The following DNAJA3 variants were observed in gnomAD, a reference collection of about 807,000 sequenced individuals.
DNAJA3 encodes the protein DnaJ heat shock protein family (Hsp40) member A3, also known as dnaJ homolog subfamily A member 3, mitochondrial.
DNAJA3 carries 29 observed loss-of-function variants against 54.9 expected under a neutral mutation model. That is an observed-to-expected ratio of 0.53 (90% CI 0.39 to 0.72). DNAJA3 has a LOEUF of 0.72. DNAJA3 is among the 30% of genes least tolerant of loss of function. The pLI, the probability that DNAJA3 is intolerant of heterozygous loss-of-function variation, is 0.00. For missense variants in DNAJA3, 708 were observed against 639.4 expected (o/e 1.11, Z -1.16); for synonymous variants, 302 against 251.4 (o/e 1.20, Z -1.90).
At chr16:4,436,220 A>G (rs2056770586) in intron 2 of DNAJA3, among the ~76,000 whole-genome samples, 1 of 152,106 alleles carries the variant, frequency 6.6e-6, no homozygotes. Flanking sequence ...GGGGACAGGA[A>G]GCAGAGATCC....
rs947237012 is a variant in DNAJA3, at chr16:4,447,023, G to A, written c.1125+9G>A. On this transcript the variant is annotated intron_variant, in intron 8 of 11. Coordinates refer to ENST00000262375, the MANE Select transcript of DNAJA3 (RefSeq NM_005147.6). ...AGACGATCAACGTGACGGTAAGAGGGTGTGAGAACACCTTTGTCACCCCTG... is the reference window on the plus strand; with the variant it reads ...AGACGATCAACGTGACGGTAAGAGGATGTGAGAACACCTTTGTCACCCCTG... 1 of 1,611,792 alleles carries A rather than the reference G, an allele frequency of 6.2e-7. No individual in the cohort carries two copies. Among genetic ancestry groups the A allele is most frequent in the Non-Finnish European group, 8.5e-7 (1 of 1,179,258 alleles).
intron 1 of DNAJA3, chr16:4,433,287 T>C (rs2056730132): frequency 1.3e-5 from 2 of 152,236 alleles, no homozygotes; most frequent in African/African-American, 2.4e-5. Flanking sequence ...TAACCGCCAT[T>C]TGTTTTCCAC....
chr16:4,448,887 C>T (rs1353930330), intron 9 of DNAJA3, 39 bp downstream of exon 9: 1 of 1,505,132 alleles, frequency 6.6e-7, no homozygotes. Flanking sequence ...CCGCCTGGTC[C>T]TGCGGTGGCA....
chr16:4,436,892 G>GGGT (rs1194293548), intron 2 of DNAJA3, among the ~76,000 whole-genome samples: 1 of 152,008 alleles, frequency 6.6e-6, no homozygotes, highest in Non-Finnish European at 1.5e-5. Flanking sequence ...AAGCCATGCT[G>GGGT]GGTGCTAAGG....
intron 5 of DNAJA3, chr16:4,442,726 T>A (rs1226794806): frequency 1.9e-6 from 1 of 522,600 alleles, no homozygotes; most frequent in Non-Finnish European, 3.3e-6. Flanking sequence ...CTTTTTTAAA[T>A]GTACTGTTCA....
chr16:4,442,091 G>A (rs1368962964), intron 4 of DNAJA3, among the ~76,000 whole-genome samples, 177 bp from the exon 5 acceptor site: 5 of 152,154 alleles, frequency 3.3e-5, no homozygotes, highest in Non-Finnish European at 7.4e-5. Context: ...ATCCCAAAGA[G>A]TAGGGCAGAA....
intron 1 of DNAJA3, chr16:4,433,517 G>A (rs995424644): frequency 6.0e-4 from 92 of 152,206 alleles, no homozygotes; most frequent in African/African-American, 2.2e-3. Flanking sequence ...TGAATGTCTG[G>A]AGTAGGGCTT....
chr16:4,436,706 T>A (rs2056776574), intron 2 of DNAJA3, among the ~76,000 whole-genome samples: 1 of 152,134 alleles, frequency 6.6e-6, no homozygotes. Context: ...TGGCTAATTT[T>A]TGTATTTTTA....
At position 4,448,736 on chromosome 16, in the gene DNAJA3, C is replaced by T. The variant is rs2056937273; in HGVS notation, c.1129C>T (p.Pro377Ser). The change falls in exon 9 of 12, where the codon CCC becomes TCC. Residue 377 changes from proline (P) to serine (S), a missense_variant. Coordinates refer to ENST00000262375, the MANE Select transcript of DNAJA3 (RefSeq NM_005147.6). ...GLYETINVTI[P>S]PGTQTDQKIR... ...CACAGATTTTCTTTCTTTATAGATC[C>T]CCCCTGGGACTCAGACAGACCAGAA... 6.2e-6 allele frequency: 10 copies of T among 1,612,460 alleles called. No homozygotes were observed. The highest frequency in any genetic ancestry group is 7.6e-6 in the Non-Finnish European group (9 of 1,178,798).
rs1239540910 is a variant in DNAJA3 at position 4,442,657 on chromosome 16, G to A, written c.783+237G>A. 9.4e-6 allele frequency: 5 copies of A among 530,666 alleles called. No homozygotes were observed. The East Asian group carries it at 1.6e-4, about 16-fold the overall frequency. The allele number at this position is 530,666 out of a possible 1,614,324, so 32.9% of individuals were successfully genotyped here. On this transcript the variant is annotated intron_variant, in intron 5 of 11. Transcript: ENST00000262375. ...GGGGCGGGGCGGGGGATTGCATCCA[G>A]TTGTCACTTTCTTCTTTATTTTTCT...
At chr16:4,441,303 C>T in intron 3 of DNAJA3, 72 bp from the exon 4 acceptor site, 1 of 1,391,394 alleles carries the variant, frequency 7.2e-7, no homozygotes, top group Non-Finnish European at 9.9e-7. Context: ...GCCTTATTTG[C>T]TGTGAACTCT....
At chr16:4,449,531 C>T (rs1200782468) in intron 9 of DNAJA3, 1 of 152,184 alleles carries the variant, frequency 6.6e-6, no homozygotes, top group African/African-American at 2.4e-5. Flanking sequence ...AGGCGCTTAC[C>T]ACCACGCCCA....
chr16:4,434,721 G>A (rs1567325067), intron 2 of DNAJA3, among the ~76,000 whole-genome samples: 1 of 152,060 alleles, frequency 6.6e-6, no homozygotes, highest in African/African-American at 2.4e-5. Context: ...AAAAAGAGGT[G>A]AGTCCAAACC....
At chr16:4,439,414 C>T (rs1384961249) in intron 3 of DNAJA3, among the ~76,000 whole-genome samples, 3 of 151,608 alleles carry the variant, frequency 2.0e-5, no homozygotes, top group Admixed American at 6.6e-5. Flanking sequence ...AGTGTAGTGG[C>T]GAGATCACAG....
At chr16:4,428,483 C>G (rs1250246780) in intron 1 of DNAJA3, among the ~76,000 whole-genome samples, 3 of 152,190 alleles carry the variant, frequency 2.0e-5, no homozygotes, top group Non-Finnish European at 4.4e-5. Context: ...AAATATTAAT[C>G]CTTAGGTGAC....
chr16:4,437,582 T>C (rs959137113), intron 3 of DNAJA3, 97 bp downstream of exon 3: 2 of 978,246 alleles, frequency 2.0e-6, no homozygotes, highest in Non-Finnish European at 3.2e-6. Context: ...TGTCATACAG[T>C]CCAGTGTGAA....
intron 1 of DNAJA3, chr16:4,434,179 G>C: frequency 1.8e-6 from 1 of 562,898 alleles, no homozygotes; most frequent in South Asian, 2.3e-5. Context: ...CCGCTCCTGT[G>C]ATTCAGTTAC....
At chr16:4,455,403 G>C in intron 11 of DNAJA3, 143 bp from the exon 12 acceptor site, 1 of 899,096 alleles carries the variant, frequency 1.1e-6, no homozygotes, top group Non-Finnish European at 1.7e-6. Context: ...GACCCACTTT[G>C]GTTTATTATG....
rs2057029372 is a variant in DNAJA3, at chr16:4,455,839, A to G, written c.*307A>G. 1 of 553,976 alleles carries G rather than the reference A, an allele frequency of 1.8e-6. No homozygotes were observed. Among genetic ancestry groups the G allele is most frequent in the African/African-American group, 1.9e-5 (1 of 53,346 alleles). 34.3% of individuals were successfully genotyped at this position (553,976 alleles called of 1,614,324 possible). ...ATGGTTAGACTCTTGCAGGGCTAAA[A>G]CTCTAATTTGGAATTGAATATTGTG... On this transcript the variant is annotated 3_prime_UTR_variant, in exon 12 of 12. Coordinates refer to ENST00000262375, the MANE Select transcript of DNAJA3 (RefSeq NM_005147.6).
Sources: gnomAD v4.1 joint callset for allele counts (sites outside exome capture counted in the v4.1 genomes callset) on GRCh38, gnomAD v4.1.1 for gene constraint, MANE v1.5 for transcripts, NCBI Gene and HGNC (gene_info 2026-07-23, HGNC 2026-07-21) for gene names.